Variants in NPNT observed in about 807,000 individuals in gnomAD.
NPNT encodes preosteoblast EGF-like repeat protein with MAM domain.
NPNT carries 45 observed loss-of-function variants against 68.6 expected under a neutral mutation model. The observed-to-expected ratio is 0.66, with a 90% CI of 0.52 to 0.84. The LOEUF (loss-of-function observed/expected upper bound fraction) is 0.84. Ranked by LOEUF, NPNT falls within the 40% of genes least tolerant of loss-of-function variation. The probability of loss-of-function intolerance (pLI) is 0.00; values close to 1 mark genes in which losing one functional copy is unlikely to be tolerated. For missense variants in NPNT, 672 were observed against 714.8 expected (o/e 0.94, Z 0.68); for synonymous variants, 233 against 253.3 (o/e 0.92, Z 0.76).
chr4:105,939,998 CAGTT>C (rs1729803102), intron 5 of NPNT, 73 bp from the exon 6 acceptor site: 2 of 1,256,062 alleles, frequency 1.6e-6, no homozygotes, highest in Admixed American at 1.7e-5. Flanking sequence ...CATTTGTAGT[CAGTT>C]ATTTATTTTG....
At chr4:105,902,479 A>C (rs1477764826) in intron 2 of NPNT, among the ~76,000 whole-genome samples, 1 of 152,210 alleles carries the variant, frequency 6.6e-6, no homozygotes, top group Non-Finnish European at 1.5e-5. Context: ...AGCTTGGTGG[A>C]GCGGAGTACA....
chr4:105,930,340 G>A (rs1190327314), intron 3 of NPNT, among the ~76,000 whole-genome samples: 2 of 152,182 alleles, frequency 1.3e-5, no homozygotes, highest in Non-Finnish European at 2.9e-5. Context: ...AAGCTTGAAA[G>A]GGTTCCACCA....
chr4:105,898,434 C>T (rs184683015), intron 2 of NPNT, among the ~76,000 whole-genome samples: 1 of 145,392 alleles, frequency 6.9e-6, no homozygotes, highest in Admixed American at 7.0e-5. Flanking sequence ...GAGTCTAGAC[C>T]GTATTTACAC....
chr4:105,896,156 C>G (rs1301479433), intron 1 of NPNT, among the ~76,000 whole-genome samples: 1 of 152,154 alleles, frequency 6.6e-6, no homozygotes, highest in Non-Finnish European at 1.5e-5. Flanking sequence ...CCGGGCTCTG[C>G]TCAGGGCTCT....
intron 8 of NPNT, among the ~76,000 whole-genome samples, chr4:105,956,335 C>T (rs753407849): frequency 1.3e-5 from 2 of 152,034 alleles, no homozygotes; most frequent in Non-Finnish European, 2.9e-5. Flanking sequence ...TGGAAAGTTT[C>T]ATTCTTCCCC....
chr4:105,967,185 C>T lies in NPNT; in HGVS notation c.1346-3C>T, dbSNP rs1487615628. The T allele has an allele frequency of 3.1e-6, 5 of 1,613,316 alleles. No individual in the cohort carries two copies. The highest frequency in any genetic ancestry group is 4.2e-6 in the Non-Finnish European group (5 of 1,179,956). On this transcript the variant is annotated splice_region_variant and splice_polypyrimidine_tract_variant and intron_variant, in intron 10 of 11. Transcript: ENST00000379987. Reference sequence around the variant, plus strand: ...ACACACAGCCCTGCTTTTCCCATTCCAGGTGGACAATATCTGACAGTGTCG... The same window carrying T: ...ACACACAGCCCTGCTTTTCCCATTCTAGGTGGACAATATCTGACAGTGTCG...
chr4:105,940,033 T>C (rs148639034), intron 5 of NPNT, 42 bp from the exon 6 acceptor site: 5 of 1,588,948 alleles, frequency 3.1e-6, no homozygotes, highest in Non-Finnish European at 4.3e-6. Context: ...TGTCTTAACA[T>C]ACCCTTGCTC....
intron 9 of NPNT, 30 bp downstream of exon 9, chr4:105,958,587 A>G: frequency 5.8e-6 from 7 of 1,217,088 alleles, no homozygotes; most frequent in Non-Finnish European, 7.1e-6. Context: ...TGCCATCATA[A>G]TGACATTTTA....
At position 105,970,633 on chromosome 4, in the gene NPNT, A is replaced by G. The variant is rs1330870788; in HGVS notation, c.*1643A>G. The G allele has an allele frequency of 3.2e-6, 2 of 619,380 alleles. No homozygotes were observed. Among genetic ancestry groups the G allele is most frequent in the East Asian group, 3.0e-5 (1 of 33,372 alleles). The allele number at this position is 619,380 out of a possible 1,614,324, so 38.4% of individuals were successfully genotyped here. A position where few individuals can be genotyped will look rare whatever the true frequency, so the allele number is the denominator to read the frequency against. On this transcript the variant is annotated 3_prime_UTR_variant, in exon 12 of 12. Transcript: ENST00000379987. ...TCTTGGCAGGGGCCATTGTTAGAATACTTCATAAAAAAAGAAGTGTGAAAA... is the reference window on the plus strand; with the variant it reads ...TCTTGGCAGGGGCCATTGTTAGAATGCTTCATAAAAAAAGAAGTGTGAAAA...
At position 105,938,498 on chromosome 4, in the gene NPNT, G is replaced by GA. The variant is rs371069590; in HGVS notation, c.505+86dup. The GA allele has an allele frequency of 3.1e-4, 440 of 1,427,970 alleles. No homozygotes were observed. The East Asian group carries it at 3.3e-3, about 11-fold the overall frequency. The allele number at this position is 1,427,970 out of a possible 1,614,324, so 88.5% of individuals were successfully genotyped here. A position where few individuals can be genotyped will look rare whatever the true frequency, so the allele number is the denominator to read the frequency against. ...GAAAGTGAAAGGTGATGGGAATAAG[G>GA]AAAAAAAAGGCAATTACTTACATCA... On this transcript the variant is annotated intron_variant, in intron 5 of 11. Transcript: ENST00000379987.
rs146652028 is a variant in NPNT, at chr4:105,967,214, G to C, written c.1372G>C (p.Ala458Pro). 3 of 1,613,728 alleles carry C rather than the reference G, an allele frequency of 1.9e-6. No individual in the cohort carries two copies. Among genetic ancestry groups the C allele is most frequent in the Non-Finnish European group, 2.5e-6 (3 of 1,180,012 alleles). ...AGGQYLTVSA[A>P]KAPGGKAARL... ...TGGACAATATCTGACAGTGTCGGCAGCCAAAGCCCCAGGGGGAAAAGCTGC... is the reference window on the plus strand; with the variant it reads ...TGGACAATATCTGACAGTGTCGGCACCCAAAGCCCCAGGGGGAAAAGCTGC... The change falls in exon 11 of 12, where the codon GCC becomes CCC. Residue 458 changes from alanine to proline, a missense_variant. Coordinates refer to ENST00000379987, the MANE Select transcript of NPNT (RefSeq NM_001033047.3).
intron 10 of NPNT, among the ~76,000 whole-genome samples, chr4:105,960,105 C>T (rs532063013): frequency 7.2e-5 from 11 of 152,294 alleles, no homozygotes; most frequent in African/African-American, 1.9e-4. Context: ...CCACCGCGCC[C>T]AGCCAGAAGT....
chr4:105,898,921 G>A (rs1726180806), intron 2 of NPNT, among the ~76,000 whole-genome samples: 1 of 152,098 alleles, frequency 6.6e-6, no homozygotes, highest in Admixed American at 6.5e-5. Flanking sequence ...GTAAGATGAT[G>A]GGAACTAAGT....
At chr4:105,916,336 C>T (rs573584957) in intron 2 of NPNT, among the ~76,000 whole-genome samples, 10 of 152,088 alleles carry the variant, frequency 6.6e-5, no homozygotes, top group African/African-American at 2.2e-4. Flanking sequence ...TCTCCTGCCT[C>T]AGCCACCCAA....
chr4:105,944,530 T>C (rs967595397), intron 8 of NPNT, among the ~76,000 whole-genome samples: 1 of 152,234 alleles, frequency 6.6e-6, no homozygotes, highest in Non-Finnish European at 1.5e-5. Flanking sequence ...TGCCAATACA[T>C]ATATGAATTA....
chr4:105,947,892 G>T (rs1267882210), intron 8 of NPNT, among the ~76,000 whole-genome samples: 1 of 151,972 alleles, frequency 6.6e-6, no homozygotes, highest in Non-Finnish European at 1.5e-5. Flanking sequence ...TCTCTTTGTT[G>T]CAAAGTAGAG....
chr4:105,959,241 G>C (rs1325405899), intron 10 of NPNT, 115 bp downstream of exon 10: 15 of 670,150 alleles, frequency 2.2e-5, no homozygotes, highest in Non-Finnish European at 3.7e-5. Flanking sequence ...ACTTGATAAA[G>C]ATGGTCAAAA....
intron 5 of NPNT, among the ~76,000 whole-genome samples, chr4:105,938,712 T>A (rs557691956): frequency 6.6e-6 from 1 of 152,176 alleles, no homozygotes; most frequent in Non-Finnish European, 1.5e-5. Context: ...AGCTCAGTAT[T>A]CCTAGAATGT....
At position 105,947,634 on chromosome 4, in the gene NPNT, A is replaced by G. The variant is rs568498316; in HGVS notation, c.1159+4932A>G. Reference sequence around the variant, plus strand: ...TCATTGTCTCCAGATCCCATACTCCATGTACTCAAAGACACTTTCAGGAGA... The same window carrying G: ...TCATTGTCTCCAGATCCCATACTCCGTGTACTCAAAGACACTTTCAGGAGA... On this transcript the variant is annotated intron_variant, in intron 8 of 11. Coordinates refer to ENST00000379987, the MANE Select transcript of NPNT (RefSeq NM_001033047.3). 1.8e-4 allele frequency among the ~76,000 whole-genome samples: 27 copies of G among 152,262 alleles called. No individual in the cohort carries two copies. In the South Asian group the frequency reaches 5.4e-3, roughly 30 times the overall value.
Sources: gnomAD v4.1 joint callset for allele counts (sites outside exome capture counted in the v4.1 genomes callset) on GRCh38, gnomAD v4.1.1 for gene constraint, MANE v1.5 for transcripts, NCBI Gene and HGNC (gene_info 2026-07-23, HGNC 2026-07-21) for gene names.